EDIL3: variants seen among roughly 807,000 people sequenced by gnomAD.
The protein encoded by EDIL3 is EGF like and discoidin domains 3, also known as EGF-like repeat and discoidin I-like domain-containing protein 3.
EDIL3 carries 37 observed loss-of-function variants against 67.4 expected under a neutral mutation model. The observed-to-expected ratio is 0.55, with a 90% CI of 0.42 to 0.72. The LOEUF is 0.72. Ranked by LOEUF, EDIL3 falls within the 30% of genes least tolerant of loss-of-function variation. The pLI, the probability that EDIL3 is intolerant of heterozygous loss-of-function variation, is 0.00. For synonymous variants in EDIL3, 195 were observed against 196.3 expected, an observed-to-expected ratio of 0.99 and a Z score of 0.05; for missense variants, 527 against 586.3, an observed-to-expected ratio of 0.90 and a Z score of 1.04.
At chr5:84,147,039 A>G (rs1220436177) in intron 4 of EDIL3, among the ~76,000 whole-genome samples, 2 of 152,086 alleles carry the variant, frequency 1.3e-5, no homozygotes, top group Admixed American at 6.6e-5. Context: ...CTACACCCAC[A>G]TAAAGGTGAC....
rs1225976487 is a variant in EDIL3, at chr5:84,355,638, G to T, written c.67+28670C>A. ...AGGCTGCAGAACAGCAAATATTGCT[G>T]CCTGTTCCTTCCTCTGGAAGCTTCG... is the stretch of plus-strand genomic sequence containing the variant. On this transcript the variant is annotated intron_variant, in intron 1 of 10. Transcript: ENST00000296591. Among the ~76,000 whole-genome samples, 3 of 152,100 alleles carry T rather than the reference G, an allele frequency of 2.0e-5. 1 individual carries two copies. The highest frequency in any genetic ancestry group is 4.1e-4 in the South Asian group (2 of 4,826).
At chr5:84,290,996 C>T (rs1441194393) in intron 1 of EDIL3, among the ~76,000 whole-genome samples, 1 of 152,140 alleles carries the variant, frequency 6.6e-6, no homozygotes, top group African/African-American at 2.4e-5. Context: ...TAAAAATATT[C>T]TCTACTAAGC....
chr5:84,293,194 G>A (rs970089159), intron 1 of EDIL3, among the ~76,000 whole-genome samples: 1 of 152,076 alleles, frequency 6.6e-6, no homozygotes, highest in Non-Finnish European at 1.5e-5. Context: ...CCTTGAAAAT[G>A]GACCATTTAA....
Position 84,244,442 on chromosome 5 carries a change from C to CT in EDIL3, c.196+9641dup, listed in dbSNP as rs1174743124. ...TACAGGTGTGCACCACCACACCTGG[C>CT]TATTTTTTTTTTTTTTTTGTATTTT... On this transcript the variant is annotated intron_variant, in intron 2 of 10. Coordinates refer to ENST00000296591, the MANE Select transcript of EDIL3 (RefSeq NM_005711.5). Among the ~76,000 whole-genome samples, 4 of 146,252 alleles carry CT rather than the reference C, an allele frequency of 2.7e-5. No individual in the cohort carries two copies. The East Asian group carries it at 6.2e-4, about 23-fold the overall frequency.
intron 9 of EDIL3, among the ~76,000 whole-genome samples, chr5:83,992,685 A>G (rs1032630664): frequency 2.0e-5 from 3 of 152,144 alleles, no homozygotes; most frequent in South Asian, 4.1e-4. Flanking sequence ...ATATCTGCAT[A>G]TATTTCAATA....
intron 9 of EDIL3, among the ~76,000 whole-genome samples, chr5:84,041,607 C>T (rs949199650): frequency 4.8e-5 from 7 of 146,792 alleles, no homozygotes; most frequent in Admixed American, 2.7e-4. Flanking sequence ...TATGTATATA[C>T]ACACATATAT....
At chr5:84,053,310 T>C (rs955440496) in intron 9 of EDIL3, among the ~76,000 whole-genome samples, 25 of 152,126 alleles carry the variant, frequency 1.6e-4, no homozygotes, top group African/African-American at 6.0e-4. Context: ...TTCAAAGCAG[T>C]GGGTAGAGGG....
At chr5:84,036,050 C>G (rs962428636) in intron 9 of EDIL3, among the ~76,000 whole-genome samples, 2 of 152,140 alleles carry the variant, frequency 1.3e-5, no homozygotes, top group African/African-American at 4.8e-5. Flanking sequence ...TGCAAACGTG[C>G]AAGTTTGGTT....
At position 84,220,236 on chromosome 5, in the gene EDIL3, C is replaced by A. The variant is rs374577963; in HGVS notation, c.226+9619G>T. 8.1e-4 allele frequency among the ~76,000 whole-genome samples: 123 copies of A among 152,186 alleles called. 3 individuals are homozygous for A. The South Asian group carries it at 0.023, about 29-fold the overall frequency. On this transcript the variant is annotated intron_variant, in intron 3 of 10. Transcript: ENST00000296591. Reference sequence around the variant, plus strand: ...CTCATATGTGCCATGAATATATACACCTACTATGAACCCACTAAAATTAAA... The same window carrying A: ...CTCATATGTGCCATGAATATATACAACTACTATGAACCCACTAAAATTAAA...
intron 1 of EDIL3, among the ~76,000 whole-genome samples, chr5:84,319,553 G>A (rs1463773782): frequency 7.9e-6 from 1 of 126,996 alleles, no homozygotes; most frequent in East Asian, 2.2e-4. Flanking sequence ...ACTGTTGGTG[G>A]GAGTGTAAAT....
chr5:84,239,477 T>C (rs1744752952), intron 2 of EDIL3, among the ~76,000 whole-genome samples: 1 of 152,118 alleles, frequency 6.6e-6, no homozygotes, highest in Non-Finnish European at 1.5e-5. Context: ...CTGGGGTACA[T>C]ATGCACAATG....
intron 3 of EDIL3, among the ~76,000 whole-genome samples, chr5:84,213,963 A>T (rs1285911082): frequency 6.6e-6 from 1 of 152,140 alleles, no homozygotes; most frequent in African/African-American, 2.4e-5. Context: ...TTAGGAAGCC[A>T]AGTGGATTTG....
intron 1 of EDIL3, among the ~76,000 whole-genome samples, chr5:84,311,308 T>C (rs1360963130): frequency 6.8e-6 from 1 of 148,028 alleles, no homozygotes; most frequent in East Asian, 1.9e-4. Flanking sequence ...ATTCAATGTA[T>C]TTTCTTTTTT....
intron 6 of EDIL3, among the ~76,000 whole-genome samples, chr5:84,081,906 G>A (rs1746977613): frequency 6.6e-6 from 1 of 152,204 alleles, no homozygotes; most frequent in Admixed American, 6.5e-5. Flanking sequence ...CCATATGAAT[G>A]CTCTCCTTGG....
At chr5:84,272,693 T>C (rs1745500835) in intron 1 of EDIL3, among the ~76,000 whole-genome samples, 1 of 152,204 alleles carries the variant, frequency 6.6e-6, no homozygotes, top group African/African-American at 2.4e-5. Context: ...CCGAGCTATC[T>C]GATATTCTAT....
intron 4 of EDIL3, among the ~76,000 whole-genome samples, chr5:84,148,159 A>G (rs1748321045): frequency 6.6e-6 from 1 of 152,314 alleles, no homozygotes; most frequent in South Asian, 2.1e-4. Context: ...CCTTATTATT[A>G]TATGAGTTAA....
At chr5:84,188,452 A>G (rs531933393) in intron 3 of EDIL3, among the ~76,000 whole-genome samples, 1 of 151,822 alleles carries the variant, frequency 6.6e-6, no homozygotes, top group East Asian at 2.0e-4. Context: ...CCTTCTTCTA[A>G]TTGTTTCTCT....
At chr5:84,141,930 T>TATATATATAC (rs1748200934) in intron 4 of EDIL3, among the ~76,000 whole-genome samples, 1 of 125,638 alleles carries the variant, frequency 8.0e-6, no homozygotes, top group African/African-American at 3.1e-5. Context: ...TATACACATA[T>TATATATATAC]ATATATATAT....
At chr5:84,075,391 A>G (rs1746832172) in intron 6 of EDIL3, among the ~76,000 whole-genome samples, 1 of 152,186 alleles carries the variant, frequency 6.6e-6, no homozygotes, top group South Asian at 2.1e-4. Context: ...TTACAAGAAC[A>G]TCACAGGTAA....
Sources: gnomAD v4.1 joint callset for allele counts (sites outside exome capture counted in the v4.1 genomes callset) on GRCh38, gnomAD v4.1.1 for gene constraint, MANE v1.5 for transcripts, NCBI Gene and HGNC (gene_info 2026-07-23, HGNC 2026-07-21) for gene names.